GABRG1: variants seen among roughly 807,000 people sequenced by gnomAD.
The protein encoded by GABRG1 is gamma-aminobutyric acid receptor subunit gamma-1.
A neutral mutation model predicts 49.8 loss-of-function variants in GABRG1; 49 were observed. That is an observed-to-expected ratio of 0.98 (90% CI 0.78 to 1.25). GABRG1 has a LOEUF of 1.25. Among genes scored for constraint, GABRG1 ranks in the 50% most tolerant of loss-of-function variants. The probability of loss-of-function intolerance (pLI) is 0.00; values close to 1 mark genes in which losing one functional copy is unlikely to be tolerated. For synonymous variants in GABRG1, 232 were observed against 185.1 expected (o/e 1.25, Z -2.06); for missense variants, 552 against 552.3 (o/e 1.00, Z 0.01).
intron 1 of GABRG1, among the ~76,000 whole-genome samples, chr4:46,105,359 A>C (rs754659757): frequency 1.8e-4 from 27 of 151,516 alleles, no homozygotes; most frequent in Non-Finnish European, 1.8e-4. Context: ...CAGTTTGCTG[A>C]GGCTGATGGA....
At chr4:46,097,664 A>G (rs1010805573) in intron 1 of GABRG1, among the ~76,000 whole-genome samples, 1 of 151,706 alleles carries the variant, frequency 6.6e-6, no homozygotes, top group Non-Finnish European at 1.5e-5. Context: ...CTAAATTTGT[A>G]TAACATAAAA....
At chr4:46,097,481 A>G in intron 1 of GABRG1, 132 bp from the exon 2 acceptor site, 1 of 759,548 alleles carries the variant, frequency 1.3e-6, no homozygotes, top group Non-Finnish European at 2.0e-6. Flanking sequence ...CTAACATTAC[A>G]TTTAGTAAGA....
intron 1 of GABRG1, among the ~76,000 whole-genome samples, chr4:46,105,731 T>G (rs561466159): frequency 7.0e-6 from 1 of 143,104 alleles, no homozygotes; most frequent in Admixed American, 7.0e-5. Context: ...TAAAATTACT[T>G]ACCTGTATAG....
chr4:46,118,616 T>C (rs1721005100), intron 1 of GABRG1, among the ~76,000 whole-genome samples: 1 of 151,156 alleles, frequency 6.6e-6, no homozygotes. Context: ...TTTACCATTA[T>C]TACCATTATA....
intron 2 of GABRG1, among the ~76,000 whole-genome samples, chr4:46,086,453 C>T (rs922557267): frequency 1.3e-5 from 2 of 151,422 alleles, no homozygotes; most frequent in Non-Finnish European, 3.0e-5. Context: ...CTTGGACACA[C>T]TATTCTAATT....
rs998922437 is a variant in GABRG1, at chr4:46,035,840, A to G, written c.*5148T>C. ...TTTTGTTCTAAGGATCATGAGAGTAAAGAACACTGAAAAATTGAGACACCT... is the reference window on the plus strand; with the variant it reads ...TTTTGTTCTAAGGATCATGAGAGTAGAGAACACTGAAAAATTGAGACACCT... On this transcript the variant is annotated 3_prime_UTR_variant, in exon 9 of 9. Coordinates refer to ENST00000295452, the MANE Select transcript of GABRG1 (RefSeq NM_173536.4). 2 of 151,994 alleles carry G rather than the reference A, an allele frequency of 1.3e-5. No homozygotes were observed. Among genetic ancestry groups the G allele is most frequent in the Admixed American group, 6.6e-5 (1 of 15,232 alleles). The allele number at this position is 151,994 out of a possible 1,614,324, so 9.4% of individuals were successfully genotyped here.
intron 5 of GABRG1, among the ~76,000 whole-genome samples, chr4:46,061,368 A>T (rs1394783846): frequency 6.6e-6 from 1 of 152,140 alleles, no homozygotes; most frequent in Non-Finnish European, 1.5e-5. Flanking sequence ...AAATGTGGAA[A>T]TTTAGTAAGT....
Position 46,084,204 on chromosome 4 carries a change from T to A in GABRG1, c.254-151A>T, listed in dbSNP as rs1577654941. ...TTATGAAATGCAGAAATGTAGCCTT[T>A]ATAAAAAACAATCTTTTTGGTTTGC... On this transcript the variant is annotated intron_variant, in intron 2 of 8. Coordinates refer to ENST00000295452, the MANE Select transcript of GABRG1 (RefSeq NM_173536.4). The A allele has an allele frequency of 2.7e-5, 16 of 586,152 alleles. No individual in the cohort carries two copies. In the East Asian group the frequency reaches 4.8e-4, roughly 17 times the overall value. The allele number at this position is 586,152 out of a possible 1,614,324, so 36.3% of individuals were successfully genotyped here. A position where few individuals can be genotyped will look rare whatever the true frequency, so the allele number is the denominator to read the frequency against.
Position 46,065,369 on chromosome 4 carries a change from A to C in GABRG1, c.537T>G (p.Thr179=). Residue 179 remains threonine, a synonymous_variant, in exon 4 of 9, where the codon ACT becomes ACG. Coordinates refer to ENST00000295452, the MANE Select transcript of GABRG1 (RefSeq NM_173536.4). ...GATTTTTAAACCAATATTACCTTAG[A>C]GTATACAGAACTCGTCCATCATTCC... is the stretch of plus-strand genomic sequence containing the variant. ...RIWNDGRVLY[T]LRLTINAECY... is the part of the protein sequence containing the mutation. The C allele has an allele frequency of 6.4e-7, 1 of 1,568,026 alleles. No individual in the cohort carries two copies. Among genetic ancestry groups the C allele is most frequent in the Non-Finnish European group, 8.8e-7 (1 of 1,138,564 alleles).
chr4:46,104,357 A>T (rs1234941006), intron 1 of GABRG1, among the ~76,000 whole-genome samples: 3 of 151,564 alleles, frequency 2.0e-5, no homozygotes, highest in Non-Finnish European at 4.4e-5. Context: ...AACGCTCTAC[A>T]TTCTTCTCCA....
chr4:46,079,441 A>AGGAC (rs1414620945), intron 3 of GABRG1, among the ~76,000 whole-genome samples: 1 of 151,954 alleles, frequency 6.6e-6, no homozygotes, highest in African/African-American at 2.4e-5. Flanking sequence ...AGTATATTCT[A>AGGAC]GGACTGTGTG....
chr4:46,068,712 G>T (rs1388439938), intron 3 of GABRG1, among the ~76,000 whole-genome samples: 3 of 151,830 alleles, frequency 2.0e-5, no homozygotes, highest in Admixed American at 2.0e-4. Context: ...CATGTTACAC[G>T]TAATAAAAAA....
In GABRG1 at chr4:46,050,222, C is replaced by T. The variant is rs533131960; in HGVS notation, c.1131+1202G>A. Among the ~76,000 whole-genome samples, 9 of 152,010 alleles carry T rather than the reference C, an allele frequency of 5.9e-5. No individual in the cohort carries two copies. The East Asian group carries it at 1.7e-3, about 30-fold the overall frequency. On this transcript the variant is annotated intron_variant, in intron 8 of 8. Transcript: ENST00000295452. ...AAAAATGACGTGAAGTTGACGGAGT[C>T]ACTGGCTAATTCTACAATGCAAGTT...
At chr4:46,120,141 T>C (rs565972897) in intron 1 of GABRG1, among the ~76,000 whole-genome samples, 148 of 151,768 alleles carry the variant, frequency 9.8e-4, no homozygotes, top group African/African-American at 3.5e-3. Flanking sequence ...TTTAGATCTG[T>C]TGGTAAAGGC....
chr4:46,087,127 G>C (rs530750763), intron 2 of GABRG1, among the ~76,000 whole-genome samples: 2 of 151,500 alleles, frequency 1.3e-5, no homozygotes, highest in East Asian at 3.9e-4. Flanking sequence ...TCAGGATTTT[G>C]CTGGTTTAGT....
chr4:46,068,929 T>A (rs1473288154), intron 3 of GABRG1, among the ~76,000 whole-genome samples: 1 of 152,106 alleles, frequency 6.6e-6, no homozygotes, highest in Admixed American at 6.6e-5. Context: ...AAATTTGACA[T>A]CCAATGTACT....
intron 3 of GABRG1, among the ~76,000 whole-genome samples, chr4:46,077,506 G>A (rs1294444390): frequency 6.6e-6 from 1 of 151,418 alleles, no homozygotes; most frequent in Non-Finnish European, 1.5e-5. Flanking sequence ...AATTTTCTTG[G>A]TTGAGTATGT....
chr4:46,076,392 T>A (rs1366749062), intron 3 of GABRG1, among the ~76,000 whole-genome samples: 2 of 142,112 alleles, frequency 1.4e-5, no homozygotes, highest in Admixed American at 1.4e-4. Flanking sequence ...TATATATATA[T>A]ATATATATAT....
chr4:46,117,030 TA>T (rs1332409629), intron 1 of GABRG1, among the ~76,000 whole-genome samples: 1 of 150,580 alleles, frequency 6.6e-6, no homozygotes. Context: ...ATACTGTACC[TA>T]ATGTACAACC....
Sources: allele counts gnomAD v4.1 joint callset (sites outside exome capture counted in the v4.1 genomes callset), GRCh38; gene constraint gnomAD v4.1.1; transcripts MANE v1.5; gene names NCBI Gene and HGNC (gene_info 2026-07-23, HGNC 2026-07-21).